The following ILRUN variants were observed in gnomAD, a reference collection of about 807,000 sequenced individuals.
ILRUN encodes inflammation and lipid regulator with UBA-like and NBR1-like domains.
In ILRUN, 3 loss-of-function variants were observed where a neutral mutation model predicts 33.8. The observed-to-expected ratio is 0.09, with a 90% CI of 0.04 to 0.23. ILRUN has a LOEUF of 0.23. Among genes scored for constraint, ILRUN ranks in the 10% least tolerant of loss-of-function variants. The probability of loss-of-function intolerance (pLI) is 1.00; values close to 1 mark genes in which losing one functional copy is unlikely to be tolerated. For synonymous variants in ILRUN, 124 were observed against 138.9 expected (o/e 0.89, Z 0.75); for missense variants, 210 against 375.1 (o/e 0.56, Z 3.64).
chr6:34,605,318 CAAAA>C (rs78612898), intron 4 of ILRUN, among the ~76,000 whole-genome samples: 113 of 74,138 alleles, frequency 1.5e-3, no homozygotes, highest in African/African-American at 5.1e-3. Context: ...AAAACAAAAA[CAAAA>C]AAAAAAAAAA....
intron 3 of ILRUN, among the ~76,000 whole-genome samples, chr6:34,615,940 C>T (rs887364373): frequency 6.6e-6 from 1 of 152,158 alleles, no homozygotes; most frequent in Non-Finnish European, 1.5e-5. Context: ...TTGACTAATC[C>T]CAGAGTCTGC....
At position 34,607,642 on chromosome 6, in the gene ILRUN, G is replaced by A. The variant is rs531180418; in HGVS notation, c.512-738C>T. Among the ~76,000 whole-genome samples, 4 of 117,188 alleles carry A rather than the reference G, an allele frequency of 3.4e-5. No individual in the cohort carries two copies. The South Asian group carries it at 7.0e-4, about 20-fold the overall frequency. The allele number at this position is 117,188 out of a possible 152,430, so 76.9% of individuals were successfully genotyped here. On this transcript the variant is annotated intron_variant, in intron 3 of 4. Transcript: ENST00000374023. ...AATTTATCACTGTGTGAACATCATA[G>A]AGTGTACAAAACCTAGATAGTAGAG...
chr6:34,689,177 C>T (rs1339766993), intron 1 of ILRUN, among the ~76,000 whole-genome samples: 1 of 151,990 alleles, frequency 6.6e-6, no homozygotes, highest in Non-Finnish European at 1.5e-5. Context: ...CACTTTAAAA[C>T]AGTTAATTTT....
chr6:34,640,413 A>G (rs1762447413), intron 3 of ILRUN, among the ~76,000 whole-genome samples: 1 of 152,138 alleles, frequency 6.6e-6, no homozygotes, highest in Non-Finnish European at 1.5e-5. Context: ...AAGAGTTATT[A>G]TAAAAATAAA....
intron 3 of ILRUN, among the ~76,000 whole-genome samples, chr6:34,608,773 T>A (rs1761685371): frequency 6.6e-6 from 1 of 152,220 alleles, no homozygotes; most frequent in Non-Finnish European, 1.5e-5. Flanking sequence ...TATTTTTAAA[T>A]AGATGTACCA....
chr6:34,626,260 C>A (rs1009331428), intron 3 of ILRUN, among the ~76,000 whole-genome samples: 1 of 152,152 alleles, frequency 6.6e-6, no homozygotes. Flanking sequence ...TAGTCTTGAC[C>A]TTCTGAGCTC....
chr6:34,682,265 T>TG (rs1199069546), intron 1 of ILRUN, among the ~76,000 whole-genome samples: 1,538 of 141,122 alleles, frequency 0.011, 27 homozygotes, highest in Non-Finnish European at 0.016. Context: ...TTTTTTTTTT[T>TG]TTTTTTTTTT....
At chr6:34,600,416 G>T (rs555924497) in intron 4 of ILRUN, among the ~76,000 whole-genome samples, 1 of 152,184 alleles carries the variant, frequency 6.6e-6, no homozygotes, top group South Asian at 2.1e-4. Context: ...AACAAAACTC[G>T]ATTTTAAAGG....
chr6:34,621,685 C>T (rs1018363743), intron 3 of ILRUN, among the ~76,000 whole-genome samples: 2 of 151,706 alleles, frequency 1.3e-5, no homozygotes, highest in Admixed American at 6.6e-5. Flanking sequence ...CATGGTGAAA[C>T]CCCCGTCTCT....
intron 3 of ILRUN, among the ~76,000 whole-genome samples, chr6:34,642,334 G>A (rs536294346): frequency 8.5e-5 from 13 of 152,252 alleles, no homozygotes; most frequent in East Asian, 1.9e-4. Flanking sequence ...AATCTCAACC[G>A]ATTCAGCTTA....
chr6:34,691,485 A>G lies in ILRUN; in HGVS notation c.158+4961T>C, dbSNP rs116770550. 4.3e-3 allele frequency among the ~76,000 whole-genome samples: 658 copies of G among 152,322 alleles called. 5 individuals carry two copies. Among genetic ancestry groups the G allele is most frequent in the African/African-American group, 0.015 (606 of 41,576 alleles). On this transcript the variant is annotated intron_variant, in intron 1 of 4. Transcript: ENST00000374023. ...CTACAAACATGCTCAACTGAAAACAATATTTGGTTCTAAATTTAACAAATA... is the reference window on the plus strand; with the variant it reads ...CTACAAACATGCTCAACTGAAAACAGTATTTGGTTCTAAATTTAACAAATA...
intron 1 of ILRUN, 156 bp downstream of exon 1, chr6:34,696,290 T>C (rs999890472): frequency 5.3e-6 from 4 of 748,832 alleles, no homozygotes; most frequent in Non-Finnish European, 8.4e-6. Context: ...ATACTCCCTA[T>C]GCCCACGGGG....
At chr6:34,605,815 A>C (rs1761618481) in intron 4 of ILRUN, among the ~76,000 whole-genome samples, 1 of 152,212 alleles carries the variant, frequency 6.6e-6, no homozygotes, top group East Asian at 1.9e-4. Context: ...TGCTAGGCTT[A>C]ATATGCAGCA....
intron 3 of ILRUN, chr6:34,616,518 G>A: frequency 1.0e-6 from 1 of 982,132 alleles, no homozygotes; most frequent in Non-Finnish European, 1.6e-6. Flanking sequence ...TCAGTATTAT[G>A]CTCTTTTCAG....
At chr6:34,673,596 T>C (rs891912149) in intron 1 of ILRUN, among the ~76,000 whole-genome samples, 2 of 152,282 alleles carry the variant, frequency 1.3e-5, no homozygotes, top group South Asian at 4.1e-4. Flanking sequence ...TGGTGACACA[T>C]GCCTGTAATG....
intron 1 of ILRUN, among the ~76,000 whole-genome samples, chr6:34,659,221 G>C (rs1450535366): frequency 6.6e-6 from 1 of 152,152 alleles, no homozygotes; most frequent in African/African-American, 2.4e-5. Flanking sequence ...AGATGGGCTT[G>C]GTACACAGCA....
chr6:34,590,438 G>A lies in ILRUN; in HGVS notation c.*127C>T, dbSNP rs926398062. ...CTGTTCTGCTTCTTCCTCTTCTTCCGGGATGAGAGGGGGTCAGAGCCAGGG... is the reference window on the plus strand; with the variant it reads ...CTGTTCTGCTTCTTCCTCTTCTTCCAGGATGAGAGGGGGTCAGAGCCAGGG... On this transcript the variant is annotated 3_prime_UTR_variant, in exon 5 of 5. Coordinates refer to ENST00000374023, the MANE Select transcript of ILRUN (RefSeq NM_024294.4). The A allele has an allele frequency of 3.3e-4, 445 of 1,353,196 alleles. 1 individual carries two copies. The highest frequency in any genetic ancestry group is 4.2e-4 in the Non-Finnish European group (415 of 981,308). 83.8% of individuals were successfully genotyped at this position (1,353,196 alleles called of 1,614,324 possible).
chr6:34,602,494 C>T (rs1478628875), intron 4 of ILRUN, among the ~76,000 whole-genome samples: 2 of 152,184 alleles, frequency 1.3e-5, no homozygotes, highest in Admixed American at 6.5e-5. Context: ...CTCTGGCCCC[C>T]CAGAGATGAG....
intron 3 of ILRUN, among the ~76,000 whole-genome samples, chr6:34,641,474 A>G (rs1762474453): frequency 6.6e-6 from 1 of 152,226 alleles, no homozygotes; most frequent in South Asian, 2.1e-4. Flanking sequence ...AAAGGTTGGC[A>G]AACTATACCC....
Sources: gnomAD v4.1 joint callset for allele counts (sites outside exome capture counted in the v4.1 genomes callset) on GRCh38, gnomAD v4.1.1 for gene constraint, MANE v1.5 for transcripts, NCBI Gene and HGNC (gene_info 2026-07-23, HGNC 2026-07-21) for gene names.